The following OTC variants were observed in gnomAD, a reference collection of about 807,000 sequenced individuals.
OTC encodes the protein ornithine transcarbamylase, also known as ornithine transcarbamylase, mitochondrial.
Under a neutral mutation model 30.3 loss-of-function variants are expected in OTC, and 3 were observed. That is an observed-to-expected ratio of 0.10 (90% CI 0.05 to 0.26). The LOEUF (loss-of-function observed/expected upper bound fraction) is 0.26, where lower values mean the gene tolerates loss of function less well. Ranked by LOEUF, OTC falls within the 10% of genes least tolerant of loss-of-function variation. The pLI is 1.00. For synonymous variants in OTC, 111 were observed against 99.7 expected (o/e 1.11, Z -0.67); for missense variants, 194 against 260.3 (o/e 0.75, Z 1.75).
intron 1 of OTC, among the ~76,000 whole-genome samples, chrX:38,362,245 G>A (rs1261735733): frequency 1.8e-5 from 2 of 111,606 alleles, no homozygotes; most frequent in African/African-American, 6.5e-5. Flanking sequence ...ATATGGTGTC[G>A]TGCAGTTCAA....
intron 4 of OTC, among the ~76,000 whole-genome samples, chrX:38,388,293 CTCTT>C (rs1391343195): frequency 9.0e-6 from 1 of 111,640 alleles, no homozygotes; most frequent in Non-Finnish European, 1.9e-5. Context: ...TGAAGAGTCT[CTCTT>C]AGGAGCTCCT....
chrX:38,348,611 A>G (rs112083834), upstream of OTC, among the ~76,000 whole-genome samples: 1 of 99,265 alleles, frequency 1.0e-5, no homozygotes, highest in Non-Finnish European at 2.0e-5. Flanking sequence ...ATCTCGGCTC[A>G]CTGCAAGCTC....
intron 4 of OTC, among the ~76,000 whole-genome samples, chrX:38,383,480 C>A (rs1027171145): frequency 9.0e-6 from 1 of 111,701 alleles, no homozygotes; most frequent in Non-Finnish European, 1.9e-5. Flanking sequence ...ATTCAGCCCA[C>A]GAGAGGGGCA....
chrX:38,350,312 C>T (rs751583979), upstream of OTC, among the ~76,000 whole-genome samples: 1 of 112,018 alleles, frequency 8.9e-6, no homozygotes, highest in East Asian at 2.8e-4. Context: ...TCAGAACCCA[C>T]ACAGCACAGA....
chrX:38,352,838 G>T, intron 1 of OTC, 65 bp downstream of exon 1: 2 of 796,059 alleles, frequency 2.5e-6, no homozygotes, highest in South Asian at 2.1e-5. Flanking sequence ...ACTATATTCT[G>T]CAGTAAGGCC....
At chrX:38,413,865 G>A (rs1459945240) in intron 9 of OTC, among the ~76,000 whole-genome samples, 2 of 107,827 alleles carry the variant, frequency 1.9e-5, no homozygotes, top group African/African-American at 3.4e-5. Flanking sequence ...CGGGTAGGGG[G>A]GTTTCATCAT....
chrX:38,328,326 C>G, the OTC span, among the ~76,000 whole-genome samples: 12 of 112,424 alleles, frequency 1.1e-4, no homozygotes, highest in Non-Finnish European at 2.1e-4. Context: ...AACACTTTCT[C>G]AGGAAGTTTG....
the OTC span, among the ~76,000 whole-genome samples, chrX:38,337,149 G>C: frequency 8.9e-6 from 1 of 111,763 alleles, no homozygotes; most frequent in African/African-American, 3.3e-5. Flanking sequence ...CCACCAAATA[G>C]CATGCCTTAG....
intron 3 of OTC, among the ~76,000 whole-genome samples, chrX:38,373,127 A>G (rs1216842322): frequency 8.9e-6 from 1 of 112,384 alleles, no homozygotes; most frequent in African/African-American, 3.2e-5. Flanking sequence ...AAACCATTGT[A>G]ACTAACACCC....
intron 4 of OTC, among the ~76,000 whole-genome samples, chrX:38,391,446 T>C (rs1321678686): frequency 9.0e-6 from 1 of 111,567 alleles, no homozygotes; most frequent in Non-Finnish European, 1.9e-5. Flanking sequence ...TTTTGTCTGA[T>C]ATCTATGTAG....
chrX:38,407,223 C>T (rs748035164), intron 6 of OTC, among the ~76,000 whole-genome samples: 1 of 112,502 alleles, frequency 8.9e-6, no homozygotes, highest in Non-Finnish European at 1.9e-5. Flanking sequence ...TTTTCATACC[C>T]TCCTGTCAAT....
At chrX:38,366,192 C>T (rs1417665988) in intron 1 of OTC, among the ~76,000 whole-genome samples, 2 of 111,750 alleles carry the variant, frequency 1.8e-5, no homozygotes, top group Non-Finnish European at 3.8e-5. Flanking sequence ...GCACATTGGC[C>T]CCTCTTTCCC....
At chrX:38,329,311 A>G in the OTC span, among the ~76,000 whole-genome samples, 1 of 111,290 alleles carries the variant, frequency 9.0e-6, no homozygotes, top group Non-Finnish European at 1.9e-5. Context: ...TAAGACATCA[A>G]ATTGGAGGTG....
intron 1 of OTC, among the ~76,000 whole-genome samples, chrX:38,361,923 T>A (rs546582741): frequency 3.6e-5 from 4 of 111,898 alleles, no homozygotes; most frequent in Non-Finnish European, 5.6e-5. Flanking sequence ...TGGCTTCAGA[T>A]TTAATGGCTA....
chrX:38,415,378 C>T (rs1164366584), intron 9 of OTC, among the ~76,000 whole-genome samples: 4 of 110,194 alleles, frequency 3.6e-5, no homozygotes, highest in Non-Finnish European at 7.6e-5. Context: ...CACAGCCGGC[C>T]GCAAATAAAT....
rs2068594634 is a variant in OTC at position 38,421,328 on chromosome X, T to C, written c.*246T>C. 1 of 358,502 alleles carries C rather than the reference T, an allele frequency of 2.8e-6. No homozygotes were observed. The highest frequency in any genetic ancestry group is 2.6e-5 in the African/African-American group (1 of 38,504). 29.5% of individuals were successfully genotyped at this position (358,502 alleles called of 1,213,427 possible). On this transcript the variant is annotated 3_prime_UTR_variant, in exon 10 of 10. Transcript: ENST00000039007. ...CCAATTTCTGAGTTACATTTAGATA[T>C]CATATTAATTATCATATACATTTAC... is the stretch of plus-strand genomic sequence containing the variant.
the OTC span, among the ~76,000 whole-genome samples, chrX:38,347,230 A>G: frequency 8.9e-6 from 1 of 112,288 alleles, no homozygotes; most frequent in Non-Finnish European, 1.9e-5. Context: ...TTGTTCTTCT[A>G]TGAGGACATT....
Position 38,405,532 on chromosome X carries a change from A to G in OTC, c.663+1792A>G, listed in dbSNP as rs141322683. On this transcript the variant is annotated intron_variant, in intron 6 of 9. Transcript: ENST00000039007. ...GCCCACTCTAATCCAGTATGAACTC[A>G]TCTTAACTAATTACATCTGGAAAGA... Among the ~76,000 whole-genome samples, 1,060 of 110,432 alleles carry G rather than the reference A, an allele frequency of 9.6e-3. 12 individuals carry two copies. Among genetic ancestry groups the G allele is most frequent in the African/African-American group, 0.031 (940 of 30,240 alleles).
chrX:38,405,971 G>T (rs751630456), intron 6 of OTC, among the ~76,000 whole-genome samples: 18 of 112,099 alleles, frequency 1.6e-4, no homozygotes, highest in Non-Finnish European at 2.8e-4. Context: ...GAAATATATG[G>T]TTTAAACATT....
Sources: gnomAD v4.1 joint callset for allele counts (sites outside exome capture counted in the v4.1 genomes callset) on GRCh38, gnomAD v4.1.1 for gene constraint, MANE v1.5 for transcripts, NCBI Gene and HGNC (gene_info 2026-07-23, HGNC 2026-07-21) for gene names.